The following ITCH variants were observed in gnomAD, a reference collection of about 807,000 sequenced individuals.
ITCH encodes the protein itchy E3 ubiquitin protein ligase.
In ITCH, 28 loss-of-function variants were observed where a neutral mutation model predicts 126.8. The ratio of observed to expected loss-of-function variants is 0.22; its 90% CI spans 0.16 to 0.30. The LOEUF is 0.30. Ranked by LOEUF, ITCH falls within the 10% of genes least tolerant of loss-of-function variation. The pLI is 1.00. For missense variants in ITCH, 631 were observed against 1,032.4 expected (o/e 0.61, Z 5.33); for synonymous variants, 342 against 340.0 (o/e 1.01, Z -0.06).
intron 12 of ITCH, 120 bp downstream of exon 12, chr20:34,449,600 G>T: frequency 1.4e-6 from 1 of 718,244 alleles, no homozygotes; most frequent in Non-Finnish European, 2.4e-6. Flanking sequence ...TGAATGTCTG[G>T]GAAGTTTTTT....
Position 34,408,912 on chromosome 20 carries a change from T to G in ITCH, c.212+120T>G, listed in dbSNP as rs910895709. On this transcript the variant is annotated intron_variant, in intron 4 of 24. Transcript: ENST00000374864. ...TTGTTGTTCCTCCTTTCTCTCTTCTTTTTTTTTTTTTCTTTTTCCTAGGAC... is the reference window on the plus strand; with the variant it reads ...TTGTTGTTCCTCCTTTCTCTCTTCTGTTTTTTTTTTTCTTTTTCCTAGGAC... 7.4e-5 allele frequency: 66 copies of G among 892,084 alleles called. No individual in the cohort carries two copies. In the African/African-American group the frequency reaches 9.6e-4, roughly 13 times the overall value. 55.3% of individuals were successfully genotyped at this position (892,084 alleles called of 1,614,324 possible). A position where few individuals can be genotyped will look rare whatever the true frequency, so the allele number is the denominator to read the frequency against.
intron 5 of ITCH, 74 bp from the exon 6 acceptor site, chr20:34,413,668 T>G: frequency 7.4e-7 from 1 of 1,354,352 alleles, no homozygotes; most frequent in Non-Finnish European, 1.0e-6. Flanking sequence ...TTTTTAACAG[T>G]TAATTTTTAA....
At chr20:34,438,017 C>T (rs914108307) in intron 7 of ITCH, among the ~76,000 whole-genome samples, 1 of 152,168 alleles carries the variant, frequency 6.6e-6, no homozygotes, top group East Asian at 1.9e-4. Flanking sequence ...CTGGGAAATA[C>T]GTGCACTTTG....
chr20:34,381,392 C>T (rs1367461467), intron 2 of ITCH, among the ~76,000 whole-genome samples: 2 of 151,880 alleles, frequency 1.3e-5, no homozygotes. Context: ...AAGTGATTCT[C>T]CTGCTGGGAC....
intron 2 of ITCH, 32 bp from the exon 3 acceptor site, chr20:34,393,759 G>T (rs1465772873): frequency 6.4e-6 from 8 of 1,243,096 alleles, no homozygotes; most frequent in African/African-American, 4.4e-5. Flanking sequence ...GGGAATTTTT[G>T]ATGTTTACAG....
At chr20:34,402,500 G>A (rs1168772847) in intron 3 of ITCH, 2 of 759,316 alleles carry the variant, frequency 2.6e-6, no homozygotes, top group African/African-American at 1.7e-5. Flanking sequence ...TCTGTTTGTG[G>A]ATAACTCAGC....
At chr20:34,496,916 A>G (rs922213967) in intron 23 of ITCH, among the ~76,000 whole-genome samples, 1 of 152,080 alleles carries the variant, frequency 6.6e-6, no homozygotes, top group Non-Finnish European at 1.5e-5. Flanking sequence ...GTTATGAGAG[A>G]AAGGGGTCTA....
At chr20:34,450,105 ATGAAT>A (rs1985008742) in intron 12 of ITCH, among the ~76,000 whole-genome samples, 1 of 152,208 alleles carries the variant, frequency 6.6e-6, no homozygotes, top group African/African-American at 2.4e-5. Context: ...ATTTACAGAA[ATGAAT>A]TCAGCTTTTA....
At chr20:34,465,537 TAA>T (rs1456601202) in intron 14 of ITCH, among the ~76,000 whole-genome samples, 1 of 152,218 alleles carries the variant, frequency 6.6e-6, no homozygotes, top group East Asian at 1.9e-4. Context: ...TTAACAATAT[TAA>T]GTCTTCCAAT....
chr20:34,475,247 C>T (rs1475368139), intron 16 of ITCH, among the ~76,000 whole-genome samples: 11 of 152,066 alleles, frequency 7.2e-5, no homozygotes, highest in East Asian at 5.8e-4. Flanking sequence ...ACTTCCCAGA[C>T]GTGGTGGCGG....
chr20:34,403,059 T>G (rs143249717), intron 3 of ITCH, among the ~76,000 whole-genome samples: 1 of 152,278 alleles, frequency 6.6e-6, no homozygotes, highest in African/African-American at 2.4e-5. Context: ...AATTTTATAC[T>G]TGTGATTTAG....
intron 18 of ITCH, 100 bp downstream of exon 18, chr20:34,479,889 T>TTTTTG: frequency 4.4e-6 from 5 of 1,126,844 alleles, no homozygotes; most frequent in Admixed American, 1.8e-5. Flanking sequence ...GGGAAGTGGT[T>TTTTTG]TTTTGTTTTG....
chr20:34,412,412 C>T (rs1979167168), intron 4 of ITCH, 103 bp from the exon 5 acceptor site: 1 of 815,894 alleles, frequency 1.2e-6, no homozygotes, highest in Admixed American at 2.1e-5. Flanking sequence ...GTAAGGGGTG[C>T]AGTGAGAAGA....
At chr20:34,402,130 G>T in intron 3 of ITCH, 2 of 958,866 alleles carry the variant, frequency 2.1e-6, no homozygotes, top group South Asian at 2.6e-5. Context: ...ATGCAGAAAG[G>T]GCTCTGGAGA....
At chr20:34,437,469 C>G (rs1983169092) in intron 7 of ITCH, among the ~76,000 whole-genome samples, 1 of 152,126 alleles carries the variant, frequency 6.6e-6, no homozygotes, top group South Asian at 2.1e-4. Context: ...CCATGCCCAG[C>G]TACTTTTTAA....
intron 6 of ITCH, among the ~76,000 whole-genome samples, chr20:34,421,954 T>TGA (rs1476461573): frequency 6.6e-6 from 1 of 152,178 alleles, no homozygotes; most frequent in Non-Finnish European, 1.5e-5. Flanking sequence ...AAGTTGAGGC[T>TGA]GCAGTGAGCT....
intron 20 of ITCH, among the ~76,000 whole-genome samples, chr20:34,488,744 A>AT (rs1989309326): frequency 6.6e-6 from 1 of 152,106 alleles, no homozygotes; most frequent in Non-Finnish European, 1.5e-5. Context: ...AGAAAAAAAA[A>AT]GAAATTATAT....
chr20:34,478,875 G>GA (rs1988471642), intron 17 of ITCH, among the ~76,000 whole-genome samples: 1 of 152,022 alleles, frequency 6.6e-6, no homozygotes, highest in Non-Finnish European at 1.5e-5. Context: ...TTCCTAATAA[G>GA]AAAATAAACT....
chr20:34,438,481 A>T lies in ITCH; in HGVS notation c.529A>T (p.Thr177Ser). 6.2e-7 allele frequency: 1 copy of T among 1,613,962 alleles called. No homozygotes were observed. ...TCCCCTCTTCTTACCCAGAGTGAGC[A>T]CAAATGGATCAGATGACCCTGAAGA... Reference protein sequence around the residue: ...SRSKDETRVSTNGSDDPEDAG... With the variant: ...SRSKDETRVSSNGSDDPEDAG... The change falls in exon 8 of 25, where the codon ACA (threonine) becomes TCA (serine). Residue 177 changes from threonine (T) to serine (S), a missense_variant. Transcript: ENST00000374864.
Sources: gnomAD v4.1 joint callset for allele counts (sites outside exome capture counted in the v4.1 genomes callset) on GRCh38, gnomAD v4.1.1 for gene constraint, MANE v1.5 for transcripts, NCBI Gene and HGNC (gene_info 2026-07-23, HGNC 2026-07-21) for gene names.